Variants in ATF2 observed in about 807,000 individuals in gnomAD.
ATF2 encodes activating transcription factor 2, also known as cyclic AMP-dependent transcription factor ATF-2.
A neutral mutation model predicts 60.6 loss-of-function variants in ATF2; 24 were observed. That is an observed-to-expected ratio of 0.40 (90% CI 0.29 to 0.56). The LOEUF (loss-of-function observed/expected upper bound fraction) is 0.56. Among genes scored for constraint, ATF2 ranks in the 20% least tolerant of loss-of-function variants. The pLI is 0.54. For missense variants in ATF2, 433 were observed against 607.7 expected (o/e 0.71, Z 3.02); for synonymous variants, 206 against 215.4 (o/e 0.96, Z 0.38).
intron 1 of ATF2, among the ~76,000 whole-genome samples, chr2:175,153,733 G>A (rs1176299909): frequency 6.6e-6 from 1 of 151,712 alleles, no homozygotes; most frequent in Non-Finnish European, 1.5e-5. Flanking sequence ...GGGAGGCTGA[G>A]GCAGAGGAGA....
chr2:175,076,971 C>T (rs61457077), intron 13 of ATF2, among the ~76,000 whole-genome samples: 2 of 132,378 alleles, frequency 1.5e-5, no homozygotes, highest in Non-Finnish European at 3.2e-5. Flanking sequence ...CAACAGGCCC[C>T]GGTGTGTGAT....
intron 2 of ATF2, among the ~76,000 whole-genome samples, chr2:175,142,357 T>TG (rs1322289533): frequency 1.3e-5 from 2 of 151,766 alleles, no homozygotes; most frequent in South Asian, 2.1e-4. Flanking sequence ...TTAGTAGAGA[T>TG]GGGGTTTCAC....
chr2:175,145,311 A>G (rs1273463751), intron 2 of ATF2, among the ~76,000 whole-genome samples: 1 of 152,196 alleles, frequency 6.6e-6, no homozygotes, highest in Non-Finnish European at 1.5e-5. Flanking sequence ...GTGTTGGGGC[A>G]GATCCCTCAT....
At chr2:175,154,975 A>C (rs909728762) in intron 1 of ATF2, among the ~76,000 whole-genome samples, 5 of 152,152 alleles carry the variant, frequency 3.3e-5, no homozygotes, top group Non-Finnish European at 7.3e-5. Context: ...GGTGGTGGAG[A>C]GAAGTTAGCT....
intron 1 of ATF2, among the ~76,000 whole-genome samples, chr2:175,166,983 T>C (rs1389630283): frequency 6.6e-6 from 1 of 152,224 alleles, no homozygotes; most frequent in Non-Finnish European, 1.5e-5. Flanking sequence ...TACATCACTA[T>C]TTAAAATAGG....
At chr2:175,083,538 A>G (rs1316899954) in intron 12 of ATF2, among the ~76,000 whole-genome samples, 1 of 152,194 alleles carries the variant, frequency 6.6e-6, no homozygotes, top group Non-Finnish European at 1.5e-5. Flanking sequence ...AACCATAAAA[A>G]CCCTAGAAGA....
chr2:175,128,107 C>T (rs1379700996), intron 4 of ATF2, among the ~76,000 whole-genome samples: 1 of 152,150 alleles, frequency 6.6e-6, no homozygotes, highest in Non-Finnish European at 1.5e-5. Context: ...CTTACACAAT[C>T]ATTTGATTTT....
chr2:175,090,391 C>T (rs1694464169), intron 12 of ATF2, among the ~76,000 whole-genome samples: 1 of 152,058 alleles, frequency 6.6e-6, no homozygotes, highest in African/African-American at 2.4e-5. Flanking sequence ...CTTGTCTATC[C>T]ATTCATCTTG....
At position 175,117,706 on chromosome 2, in the gene ATF2, TAA is replaced by T. The variant is rs533156615; in HGVS notation, c.447+282_447+283del. Among the ~76,000 whole-genome samples the T allele has an allele frequency of 1.8e-3, 268 of 152,100 alleles. 2 individuals carry two copies. Among genetic ancestry groups the T allele is most frequent in the African/African-American group, 5.8e-3 (240 of 41,536 alleles). Reference sequence around the variant, plus strand: ...GTTACTGTATAAAAGTAGCTAAATATAAAATAGCAAAACACAGAAAAATTAAG... The same window carrying T: ...GTTACTGTATAAAAGTAGCTAAATATAATAGCAAAACACAGAAAAATTAAG... On this transcript the variant is annotated intron_variant, in intron 7 of 13. Transcript: ENST00000264110.
chr2:175,145,021 T>C (rs1464134750), intron 2 of ATF2, among the ~76,000 whole-genome samples: 2 of 152,226 alleles, frequency 1.3e-5, no homozygotes, highest in Admixed American at 6.5e-5. Flanking sequence ...ATTATAAATA[T>C]AGAATGAACC....
intron 12 of ATF2, chr2:175,092,761 A>G (rs1694642536): frequency 7.4e-6 from 3 of 403,660 alleles, no homozygotes; most frequent in Non-Finnish European, 1.3e-5. Flanking sequence ...ATATTTTTAA[A>G]TTTTAAAATT....
chr2:175,111,974 T>C (rs1043297230), intron 9 of ATF2, among the ~76,000 whole-genome samples: 15 of 152,206 alleles, frequency 9.9e-5, no homozygotes, highest in African/African-American at 3.6e-4. Flanking sequence ...CCATTTTGAA[T>C]ATGAAAGGAA....
intron 12 of ATF2, among the ~76,000 whole-genome samples, chr2:175,086,371 G>A (rs1694166889): frequency 6.6e-6 from 1 of 152,180 alleles, no homozygotes; most frequent in Non-Finnish European, 1.5e-5. Context: ...TAGCTGGAGT[G>A]CAGTTTAGGC....
At chr2:175,120,228 T>C (rs1007418600) in intron 5 of ATF2, among the ~76,000 whole-genome samples, 3 of 151,496 alleles carry the variant, frequency 2.0e-5, no homozygotes, top group African/African-American at 7.3e-5. Flanking sequence ...GAGTGAACTT[T>C]CGAGGTTGTT....
chr2:175,141,043 A>ATATATG (rs1201846816), intron 2 of ATF2, among the ~76,000 whole-genome samples: 2 of 130,296 alleles, frequency 1.5e-5, no homozygotes, highest in Non-Finnish European at 3.2e-5. Flanking sequence ...ATATATATAT[A>ATATATG]TATATATATG....
intron 10 of ATF2, 21 bp from the exon 11 acceptor site, chr2:175,097,614 A>G (rs1695019683): frequency 6.2e-7 from 1 of 1,611,652 alleles, no homozygotes; most frequent in African/African-American, 1.3e-5. Context: ...AACACCATTA[A>G]AAATTTTTTT....
At chr2:175,087,544 A>G (rs1045447559) in intron 12 of ATF2, among the ~76,000 whole-genome samples, 1 of 152,138 alleles carries the variant, frequency 6.6e-6, no homozygotes, top group Admixed American at 6.6e-5. Context: ...ACTTTTATTG[A>G]TATTTGGCCA....
At chr2:175,161,114 A>G (rs1200758102) in intron 1 of ATF2, among the ~76,000 whole-genome samples, 1 of 152,228 alleles carries the variant, frequency 6.6e-6, no homozygotes, top group East Asian at 1.9e-4. Flanking sequence ...GATATGCTAT[A>G]CTGAAGGAAT....
rs547923966 is a variant in ATF2, at chr2:175,072,559, A to G, written c.*2050T>C. 1 of 152,190 alleles carries G rather than the reference A, an allele frequency of 6.6e-6. No homozygotes were observed. The highest frequency in any genetic ancestry group is 1.5e-5 in the Non-Finnish European group (1 of 68,022). The allele number at this position is 152,190 out of a possible 1,614,324, so 9.4% of individuals were successfully genotyped here. A position where few individuals can be genotyped will look rare whatever the true frequency, so the allele number is the denominator to read the frequency against. ...TTACAGTTGCAAGAATTCTGTTACC[A>G]AAGAACCTTAACTTGCATAAGTAAT... On this transcript the variant is annotated 3_prime_UTR_variant, in exon 14 of 14. Transcript: ENST00000264110.
Sources: gnomAD v4.1 joint callset for allele counts (sites outside exome capture counted in the v4.1 genomes callset) on GRCh38, gnomAD v4.1.1 for gene constraint, MANE v1.5 for transcripts, NCBI Gene and HGNC (gene_info 2026-07-23, HGNC 2026-07-21) for gene names.